Variants in RAB8B observed in about 807,000 individuals in gnomAD.
RAB8B encodes the protein ras-related protein Rab-8B.
RAB8B carries 11 observed loss-of-function variants against 32.0 expected under a neutral mutation model. The ratio of observed to expected loss-of-function variants is 0.34; its 90% CI spans 0.22 to 0.57. The LOEUF is 0.57. RAB8B is among the 20% of genes least tolerant of loss of function. The pLI is 0.86. For missense variants in RAB8B, 190 were observed against 258.5 expected, an observed-to-expected ratio of 0.73 and a Z score of 1.82; for synonymous variants, 103 against 89.6, an observed-to-expected ratio of 1.15 and a Z score of -0.85.
chr15:63,249,797 G>A, intron 3 of RAB8B, 92 bp downstream of exon 3: 1 of 1,325,458 alleles, frequency 7.5e-7, no homozygotes, highest in Non-Finnish European at 1.0e-6. Flanking sequence ...ATGGAGTCTA[G>A]TATGTAGAAA....
chr15:63,197,370 C>CTTTTTT (rs58765418), intron 1 of RAB8B, among the ~76,000 whole-genome samples: 735 of 61,416 alleles, frequency 0.012, 1 homozygote, highest in East Asian at 0.027. Flanking sequence ...TCTTTCTTTT[C>CTTTTTT]TTTTTTTTTT....
intron 1 of RAB8B, among the ~76,000 whole-genome samples, chr15:63,219,621 T>C (rs1199813962): frequency 6.6e-6 from 1 of 152,210 alleles, no homozygotes; most frequent in African/African-American, 2.4e-5. Context: ...AATGTGTTGT[T>C]ATATAAAAAT....
At chr15:63,249,050 T>C (rs2038093809) in intron 2 of RAB8B, among the ~76,000 whole-genome samples, 1 of 152,200 alleles carries the variant, frequency 6.6e-6, no homozygotes, top group South Asian at 2.1e-4. Flanking sequence ...AGTTTTGACA[T>C]GTTGTTTATG....
chr15:63,256,541 A>G lies in RAB8B; in HGVS notation c.361A>G (p.Asn121Asp). The change falls in exon 5 of 8, where the codon AAC becomes GAC. Residue 121 changes from asparagine (N) to aspartate (D), a missense_variant. Asn to Asp is a conservative substitution (Grantham distance 23). Around this residue, in one of 2 missense-constraint regions of RAB8B, gnomAD observed 110 missense variants for 115.9 expected, o/e 0.95. Transcript: ENST00000321437. The stretch of plus-strand genomic sequence containing the variant: ...CGATGTCGAAAGAATGATCCTGGGT[A>G]ACAAATGTGATATGAATGACAAAAG... ...SSDVERMILG[N>D]KCDMNDKRQV... The G allele has an allele frequency of 1.2e-6, 2 of 1,604,060 alleles. No homozygotes were observed. Among genetic ancestry groups the G allele is most frequent in the Non-Finnish European group, 1.7e-6 (2 of 1,176,826 alleles).
chr15:63,235,826 A>T (rs2037974168), intron 1 of RAB8B, among the ~76,000 whole-genome samples: 1 of 152,120 alleles, frequency 6.6e-6, no homozygotes, highest in Admixed American at 6.5e-5. Context: ...ATGTTGATAA[A>T]TATGGCTTTT....
rs79167316 is a variant in RAB8B, at chr15:63,198,627, C to T, written c.124+8879C>T. Among the ~76,000 whole-genome samples the T allele has an allele frequency of 2.3e-3, 351 of 152,190 alleles. 3 individuals carry two copies. Among genetic ancestry groups the T allele is most frequent in the African/African-American group, 8.3e-3 (344 of 41,522 alleles). ...CTTCTGCTGGCAAAGCTAGGACTGG[C>T]GTGGCTTCCCATATCACATTATAAT... On this transcript the variant is annotated intron_variant, in intron 1 of 7. Coordinates refer to ENST00000321437, the MANE Select transcript of RAB8B (RefSeq NM_016530.3).
intron 1 of RAB8B, among the ~76,000 whole-genome samples, chr15:63,211,332 T>A (rs1399716184): frequency 6.6e-6 from 1 of 152,224 alleles, no homozygotes; most frequent in Non-Finnish European, 1.5e-5. Context: ...GAGTGAATTC[T>A]TGTCCCTTTC....
intron 1 of RAB8B, among the ~76,000 whole-genome samples, chr15:63,208,532 C>T (rs975227940): frequency 3.9e-5 from 6 of 152,100 alleles, no homozygotes; most frequent in Non-Finnish European, 7.4e-5. Flanking sequence ...GCTTGGCTTT[C>T]ACCTTCTTTT....
At chr15:63,226,160 A>T (rs900766000) in intron 1 of RAB8B, among the ~76,000 whole-genome samples, 1 of 152,162 alleles carries the variant, frequency 6.6e-6, no homozygotes, top group Non-Finnish European at 1.5e-5. Context: ...TGTCAAATTA[A>T]ATCTTGAAAT....
intron 1 of RAB8B, among the ~76,000 whole-genome samples, chr15:63,231,191 C>T (rs1260054958): frequency 6.6e-6 from 1 of 152,088 alleles, no homozygotes; most frequent in African/African-American, 2.4e-5. Flanking sequence ...TTAATTTTTT[C>T]TTTTTAAGAA....
At chr15:63,239,653 C>T (rs1015132262) in intron 1 of RAB8B, among the ~76,000 whole-genome samples, 1 of 152,176 alleles carries the variant, frequency 6.6e-6, no homozygotes, top group Non-Finnish European at 1.5e-5. Flanking sequence ...GGTGATCTGC[C>T]TGCCTTGGCC....
At chr15:63,231,535 A>T (rs2037937122) in intron 1 of RAB8B, among the ~76,000 whole-genome samples, 1 of 150,726 alleles carries the variant, frequency 6.6e-6, no homozygotes. Flanking sequence ...GAATGTCTTC[A>T]GAGTATTCAC....
chr15:63,208,846 A>G (rs1423396281), intron 1 of RAB8B, among the ~76,000 whole-genome samples: 4 of 151,200 alleles, frequency 2.6e-5, no homozygotes, highest in Non-Finnish European at 5.9e-5. Flanking sequence ...TGTTCCTATA[A>G]GTAGAACCGT....
Position 63,202,551 on chromosome 15 carries a change from C to T in RAB8B, c.124+12803C>T, listed in dbSNP as rs563759487. 3.3e-5 allele frequency among the ~76,000 whole-genome samples: 5 copies of T among 152,146 alleles called. No individual in the cohort carries two copies. The East Asian group carries it at 5.8e-4, about 18-fold the overall frequency. ...AGTTTAATTATGAATCTGACTCTTT[C>T]GTGAAAAGGAAACTAATTGTATCAG... On this transcript the variant is annotated intron_variant, in intron 1 of 7. Coordinates refer to ENST00000321437, the MANE Select transcript of RAB8B (RefSeq NM_016530.3).
In RAB8B at chr15:63,248,525, CAA is replaced by C. The variant is rs1567019640; in HGVS notation, c.186-1118_186-1117del. 6.6e-6 allele frequency among the ~76,000 whole-genome samples: 1 copy of C among 151,940 alleles called. No individual in the cohort carries two copies. Among genetic ancestry groups the C allele is most frequent in the East Asian group, 1.9e-4 (1 of 5,192 alleles). On this transcript the variant is annotated intron_variant, in intron 2 of 7. Coordinates refer to ENST00000321437, the MANE Select transcript of RAB8B (RefSeq NM_016530.3). The surrounding 1 kb of genome is among the most constrained non-coding windows in gnomAD (Gnocchi z 4.4). The stretch of plus-strand genomic sequence containing the variant: ...AGACTCCATCTCAAAAACAAACAAA[CAA>C]ATAAATAAATACATAAAGAATATGA...
intron 1 of RAB8B, among the ~76,000 whole-genome samples, chr15:63,193,282 A>G (rs937170275): frequency 2.0e-5 from 3 of 152,070 alleles, no homozygotes; most frequent in Non-Finnish European, 4.4e-5. Flanking sequence ...CTGATATCTC[A>G]GGTCCCTTCA....
intron 1 of RAB8B, among the ~76,000 whole-genome samples, chr15:63,207,182 G>A (rs2037705159): frequency 4.6e-5 from 7 of 152,158 alleles, no homozygotes; most frequent in Middle Eastern, 3.2e-3. Flanking sequence ...CCATCTGTGT[G>A]ATTATTGCAT....
chr15:63,239,028 G>A (rs1351418191), intron 1 of RAB8B, among the ~76,000 whole-genome samples: 2 of 152,132 alleles, frequency 1.3e-5, no homozygotes, highest in African/African-American at 2.4e-5. Context: ...TCAAGAGTGT[G>A]AAATTGATAC....
At chr15:63,223,626 C>G (rs1398017928) in intron 1 of RAB8B, among the ~76,000 whole-genome samples, 1 of 152,154 alleles carries the variant, frequency 6.6e-6, no homozygotes, top group Non-Finnish European at 1.5e-5. Flanking sequence ...ACGAAACCAC[C>G]TAAAAATGCA....
Sources: allele counts gnomAD v4.1 joint callset (sites outside exome capture counted in the v4.1 genomes callset), GRCh38; gene constraint gnomAD v4.1.1; regional missense constraint gnomAD v4.1.1; non-coding constraint Gnocchi (gnomAD v3.1); transcripts MANE v1.5; gene names NCBI Gene and HGNC (gene_info 2026-07-23, HGNC 2026-07-21).